The following LTBP2 variants were observed in gnomAD, a reference collection of about 807,000 sequenced individuals.
LTBP2 encodes latent transforming growth factor beta binding protein 2, also known as latent-transforming growth factor beta-binding protein 2.
In LTBP2, 103 loss-of-function variants were observed where a neutral mutation model predicts 210.6. The observed-to-expected ratio is 0.49, with a 90% CI of 0.42 to 0.58. The LOEUF is 0.58. Among genes scored for constraint, LTBP2 ranks in the 20% least tolerant of loss-of-function variants. The probability of loss-of-function intolerance (pLI) is 0.00; values close to 1 mark genes in which losing one functional copy is unlikely to be tolerated. For synonymous variants in LTBP2, 1,007 were observed against 1,015.0 expected, an observed-to-expected ratio of 0.99 and a Z score of 0.15; for missense variants, 2,313 against 2,494.5, an observed-to-expected ratio of 0.93 and a Z score of 1.55.
At chr14:74,524,445 C>T (rs933926102) in intron 15 of LTBP2, among the ~76,000 whole-genome samples, 4 of 152,138 alleles carry the variant, frequency 2.6e-5, no homozygotes, top group East Asian at 1.9e-4. Context: ...TGGACCCAGT[C>T]GTAAGGTTAA....
chr14:74,506,889 G>GCGCGCA, intron 26 of LTBP2, 66 bp from the exon 27 acceptor site: 4 of 1,282,622 alleles, frequency 3.1e-6, no homozygotes, highest in Non-Finnish European at 4.4e-6. Flanking sequence ...GCGCGCGCGC[G>GCGCGCA]TGTGTGCTCA....
chr14:74,508,870 A>G lies in LTBP2; in HGVS notation c.3486T>C (p.Cys1162=). 1 of 1,613,692 alleles carries G rather than the reference A, an allele frequency of 6.2e-7. No homozygotes were observed. The highest frequency in any genetic ancestry group is 8.5e-7 in the Non-Finnish European group (1 of 1,179,936). ...CATTGGCCAGCTGGAAGCCCTGGGGACAGAGGCACTGGTAGGAGCCCACAG... is the reference window on the plus strand; with the variant it reads ...CATTGGCCAGCTGGAAGCCCTGGGGGCAGAGGCACTGGTAGGAGCCCACAG... ...KNTVGSYQCL[C]PQGFQLANGT... is the part of the protein sequence containing the mutation. The change falls in exon 23 of 36, where the codon TGT becomes TGC. Residue 1162 remains cysteine, a synonymous_variant. Coordinates refer to ENST00000261978, the MANE Select transcript of LTBP2 (RefSeq NM_000428.3).
chr14:74,553,221 G>C (rs776676892), intron 4 of LTBP2, among the ~76,000 whole-genome samples, 159 bp from the exon 5 acceptor site: 2 of 152,176 alleles, frequency 1.3e-5, no homozygotes, highest in Non-Finnish European at 2.9e-5. Flanking sequence ...GGGGCAAGGT[G>C]ATACCTTTGA....
Position 74,555,292 on chromosome 14 carries a change from G to A in LTBP2, c.1021+211C>T, listed in dbSNP as rs532275372. Among the ~76,000 whole-genome samples the A allele has an allele frequency of 5.1e-4, 78 of 152,242 alleles. 1 individual carries two copies. The highest frequency in any genetic ancestry group is 2.4e-3 in the Admixed American group (36 of 15,304). ...GAAATAGAGCAGTCTAGGTCTAAAG[G>A]TTGCAACGGGGTGAAGTCCAGGTCC... On this transcript the variant is annotated intron_variant, in intron 4 of 35. Coordinates refer to ENST00000261978, the MANE Select transcript of LTBP2 (RefSeq NM_000428.3).
chr14:74,505,230 T>C, intron 28 of LTBP2, 56 bp from the exon 29 acceptor site: 3 of 1,554,178 alleles, frequency 1.9e-6, no homozygotes, highest in Non-Finnish European at 2.6e-6. Context: ...GGGGGGTCAA[T>C]AGTCCTTGAC....
intron 25 of LTBP2, 139 bp downstream of exon 25, chr14:74,507,834 C>A: frequency 8.7e-7 from 1 of 1,155,592 alleles, no homozygotes; most frequent in Admixed American, 1.9e-5. Context: ...AGCCCCTGAG[C>A]CCTGAGTCTC....
chr14:74,585,978 G>T lies in LTBP2; in HGVS notation c.706C>A (p.Pro236Thr), dbSNP rs760235889. 1.2e-6 allele frequency: 2 copies of T among 1,612,912 alleles called. No homozygotes were observed. The highest frequency in any genetic ancestry group is 8.5e-7 in the Non-Finnish European group (1 of 1,179,580). The part of the protein sequence containing the change: ...EFDPQNSRLA[P>T]RRWAERSPNL... The stretch of plus-strand genomic sequence containing the variant: ...GGTGAACGCTCGGCCCAGCGTCGAG[G>T]TGCCAGCCTGGAGTTCTGGGGGTCA... The change falls in exon 3 of 36, where the codon CCT (proline) becomes ACT (threonine). Residue 236 changes from proline (P) to threonine (T), a missense_variant. By Grantham distance (38) the Pro-to-Thr change is conservative (BLOSUM62 -1). Transcript: ENST00000261978.
chr14:74,572,963 T>C (rs892512832), intron 3 of LTBP2, among the ~76,000 whole-genome samples: 1 of 152,216 alleles, frequency 6.6e-6, no homozygotes, highest in African/African-American at 2.4e-5. Context: ...GCTATGAACA[T>C]AGCTACAAGC....
In LTBP2 at chr14:74,506,303, C is replaced by T. The variant is rs148767058; in HGVS notation, c.4034-112G>A. 899 of 1,407,136 alleles carry T rather than the reference C, an allele frequency of 6.4e-4. 7 individuals carry two copies. In the Middle Eastern group the frequency reaches 0.02, roughly 31 times the overall value. 87.2% of individuals were successfully genotyped at this position (1,407,136 alleles called of 1,614,324 possible). A position where few individuals can be genotyped will look rare whatever the true frequency, so the allele number is the denominator to read the frequency against. ...AGCAGGCTAGGCCTTGGGGAAGAAA[C>T]AAGAGTAAGTATAGATTTGTAGGGA... On this transcript the variant is annotated intron_variant, in intron 27 of 35. Transcript: ENST00000261978.
Position 74,508,795 on chromosome 14 carries a change from C to A in LTBP2, c.3526+35G>T, listed in dbSNP as rs532065529. ...TGCCTGCCTCCCCACACACTCATGC[C>A]CCCCACCCCCAGTAGGGTGACCTGG... is the stretch of plus-strand genomic sequence containing the variant. On this transcript the variant is annotated intron_variant, in intron 23 of 35. Coordinates refer to ENST00000261978, the MANE Select transcript of LTBP2 (RefSeq NM_000428.3). 4.3e-6 allele frequency: 7 copies of A among 1,613,630 alleles called. No homozygotes were observed. In the South Asian group the frequency reaches 6.6e-5, roughly 15 times the overall value.
intron 8 of LTBP2, among the ~76,000 whole-genome samples, chr14:74,543,246 C>T (rs926714820): frequency 4.6e-5 from 7 of 151,816 alleles, no homozygotes; most frequent in African/African-American, 1.7e-4. Flanking sequence ...GGTGTGATGG[C>T]GGGCACCTGT....
intron 10 of LTBP2, among the ~76,000 whole-genome samples, chr14:74,531,979 G>A (rs773160710): frequency 6.6e-5 from 10 of 152,308 alleles, no homozygotes; most frequent in Middle Eastern, 3.4e-3. Flanking sequence ...CAGGATTGTG[G>A]AAAGGCCCTC....
At chr14:74,555,752 T>C in intron 3 of LTBP2, 59 bp from the exon 4 acceptor site, 1 of 1,287,798 alleles carries the variant, frequency 7.8e-7, no homozygotes. Flanking sequence ...TCTGTGCCAC[T>C]CCTCATCCAG....
intron 12 of LTBP2, 45 bp downstream of exon 12, chr14:74,528,438 T>C: frequency 6.2e-7 from 1 of 1,605,258 alleles, no homozygotes; most frequent in Non-Finnish European, 8.5e-7. Context: ...GCTGGAAACT[T>C]AGGGGAAAGG....
rs748147917 is a variant in LTBP2 at position 74,611,467 on chromosome 14, G to T, written c.478C>A (p.Arg160=). The T allele has an allele frequency of 5.4e-6, 8 of 1,491,922 alleles. No homozygotes were observed. In the Admixed American group the frequency reaches 1.7e-4, roughly 32 times the overall value. 92.4% of individuals were successfully genotyped at this position (1,491,922 alleles called of 1,614,324 possible). ...RSGAAPPTPP[R]GRLTGRNVCG... ...CATGCTCACCCCGTGAGCCGCCCTC[G>T]CGGCGGGGTTGGGGGCGCAGCCCCA... is the stretch of plus-strand genomic sequence containing the variant. Residue 160 remains arginine, a synonymous_variant, in exon 1 of 36, where the codon CGA becomes AGA. Transcript: ENST00000261978.
At chr14:74,540,899 A>T (rs2087498481) in intron 8 of LTBP2, among the ~76,000 whole-genome samples, 2 of 96,232 alleles carry the variant, frequency 2.1e-5, no homozygotes, top group African/African-American at 3.9e-5. Flanking sequence ...ATATATTAAA[A>T]ATATATATAT....
chr14:74,549,706 C>T (rs113165033), intron 8 of LTBP2, among the ~76,000 whole-genome samples, 157 bp downstream of exon 8: 23 of 152,218 alleles, frequency 1.5e-4, no homozygotes, highest in African/African-American at 5.5e-4. Flanking sequence ...TCAGTGCTGG[C>T]CAGAAACACC....
chr14:74,555,428 GA>G (rs1314893269), intron 4 of LTBP2, 74 bp downstream of exon 4: 1 of 1,500,772 alleles, frequency 6.7e-7, no homozygotes, highest in Non-Finnish European at 9.2e-7. Flanking sequence ...TGTGAGAGCA[GA>G]GGGGGAAGCC....
chr14:74,553,356 G>A (rs1196042466), intron 4 of LTBP2, among the ~76,000 whole-genome samples: 1 of 152,074 alleles, frequency 6.6e-6, no homozygotes, highest in Admixed American at 6.5e-5. Flanking sequence ...GCTGAGTGTT[G>A]GTATTTTTCA....
Sources: gnomAD v4.1 joint callset for allele counts (sites outside exome capture counted in the v4.1 genomes callset) on GRCh38, gnomAD v4.1.1 for gene constraint, MANE v1.5 for transcripts, NCBI Gene and HGNC (gene_info 2026-07-23, HGNC 2026-07-21) for gene names.